ADGRB3: variants seen among roughly 807,000 people sequenced by gnomAD.
The protein encoded by ADGRB3 is brain-specific angiogenesis inhibitor 3.
ADGRB3 carries 37 observed loss-of-function variants against 193.4 expected under a neutral mutation model. The ratio of observed to expected loss-of-function variants is 0.19; its 90% CI spans 0.15 to 0.25. The LOEUF (loss-of-function observed/expected upper bound fraction) is 0.25, where lower values mean the gene tolerates loss of function less well. Ranked by LOEUF, ADGRB3 falls within the 10% of genes least tolerant of loss-of-function variation. The probability of loss-of-function intolerance (pLI) is 1.00; values close to 1 mark genes in which losing one functional copy is unlikely to be tolerated. For missense variants in ADGRB3, 1,637 were observed against 1,852.9 expected (o/e 0.88, Z 2.14); for synonymous variants, 690 against 644.2 (o/e 1.07, Z -1.08).
chr6:69,333,096 G>T lies in ADGRB3; in HGVS notation c.3188+88G>T, dbSNP rs570421993. 1.1e-5 allele frequency: 15 copies of T among 1,365,970 alleles called. No homozygotes were observed. In the South Asian group the frequency reaches 2.0e-4, roughly 18 times the overall value. 84.6% of individuals were successfully genotyped at this position (1,365,970 alleles called of 1,614,324 possible). A position where few individuals can be genotyped will look rare whatever the true frequency, so the allele number is the denominator to read the frequency against. ...ACCATCACTGACTGCGTTTGACTCTGCCTTGAATTTTGTTATTGATGTACT... is the reference window on the plus strand; with the variant it reads ...ACCATCACTGACTGCGTTTGACTCTTCCTTGAATTTTGTTATTGATGTACT... On this transcript the variant is annotated intron_variant, in intron 24 of 31. Coordinates refer to ENST00000370598, the MANE Select transcript of ADGRB3 (RefSeq NM_001704.3).
At chr6:68,821,317 T>A (rs1475071150) in intron 3 of ADGRB3, among the ~76,000 whole-genome samples, 1 of 152,018 alleles carries the variant, frequency 6.6e-6, no homozygotes, top group Non-Finnish European at 1.5e-5. Flanking sequence ...TCAGGGATTT[T>A]ACATAAGCGT....
intron 29 of ADGRB3, among the ~76,000 whole-genome samples, chr6:69,363,807 A>G (rs767402665): frequency 2.6e-5 from 4 of 152,172 alleles, no homozygotes; most frequent in South Asian, 2.1e-4. Context: ...CTCGGGCAGC[A>G]TGATGCATTG....
At chr6:68,692,137 T>A (rs1269264465) in intron 3 of ADGRB3, among the ~76,000 whole-genome samples, 1 of 151,860 alleles carries the variant, frequency 6.6e-6, no homozygotes, top group African/African-American at 2.4e-5. Context: ...TTTTAATAAT[T>A]ATTTATAAAA....
At position 68,686,339 on chromosome 6, in the gene ADGRB3, A is replaced by G. The variant is rs373867290; in HGVS notation, c.757+46907A>G. 3.9e-5 allele frequency among the ~76,000 whole-genome samples: 6 copies of G among 152,218 alleles called. No individual in the cohort carries two copies. The South Asian group carries it at 6.2e-4, about 16-fold the overall frequency. ...AAGTCAATGACAAAATGCCTTGACC[A>G]TCCTTAAAAACTGTTGCCATGACCT... On this transcript the variant is annotated intron_variant, in intron 3 of 31. Transcript: ENST00000370598.
chr6:68,959,925 G>A (rs1267305401), intron 8 of ADGRB3, among the ~76,000 whole-genome samples: 1 of 152,024 alleles, frequency 6.6e-6, no homozygotes, highest in African/African-American at 2.4e-5. Flanking sequence ...ATGGTAGGAT[G>A]GTAATAGCTC....
chr6:69,057,540 A>G lies in ADGRB3; in HGVS notation c.2334-5394A>G, dbSNP rs1771579882. ...TGTTTTGTTTTGTTTTGTTTGTTTT[A>G]CCATAAAGTGTGATATTAGATGTGG... On this transcript the variant is annotated intron_variant, in intron 15 of 31. Coordinates refer to ENST00000370598, the MANE Select transcript of ADGRB3 (RefSeq NM_001704.3). 2.1e-5 allele frequency among the ~76,000 whole-genome samples: 3 copies of G among 139,622 alleles called. No individual in the cohort carries two copies. The Admixed American group carries it at 2.3e-4, about 10-fold the overall frequency. 91.6% of individuals were successfully genotyped at this position (139,622 alleles called of 152,430 possible). A position where few individuals can be genotyped will look rare whatever the true frequency, so the allele number is the denominator to read the frequency against.
intron 3 of ADGRB3, among the ~76,000 whole-genome samples, chr6:68,769,942 T>C (rs1046057265): frequency 6.6e-6 from 1 of 152,154 alleles, no homozygotes; most frequent in African/African-American, 2.4e-5. Flanking sequence ...GACTTCCTGT[T>C]GAAATTAACT....
At chr6:69,321,981 G>A (rs1471980572) in intron 20 of ADGRB3, among the ~76,000 whole-genome samples, 2 of 151,752 alleles carry the variant, frequency 1.3e-5, no homozygotes, top group Admixed American at 1.3e-4. Context: ...GTACCAATTA[G>A]TTATTTTTCC....
At chr6:68,905,989 G>A (rs1392816212) in intron 3 of ADGRB3, among the ~76,000 whole-genome samples, 1 of 151,768 alleles carries the variant, frequency 6.6e-6, no homozygotes. Flanking sequence ...TAGAATTACT[G>A]TATAATCCTT....
chr6:69,100,944 A>G (rs1562159623), intron 17 of ADGRB3, among the ~76,000 whole-genome samples: 3 of 3,080 alleles, frequency 9.7e-4, no homozygotes, highest in African/African-American at 4.2e-3. Context: ...GAGGGAAGGA[A>G]GGAAAGGAGG....
At chr6:68,697,146 GA>G (rs1362810480) in intron 3 of ADGRB3, among the ~76,000 whole-genome samples, 2 of 151,912 alleles carry the variant, frequency 1.3e-5, no homozygotes, top group African/African-American at 4.8e-5. Context: ...TTAATGTCTA[GA>G]AATAAGTTTT....
At chr6:68,963,901 T>C (rs2150259908) in intron 8 of ADGRB3, among the ~76,000 whole-genome samples, 1 of 152,306 alleles carries the variant, frequency 6.6e-6, no homozygotes, top group South Asian at 2.1e-4. Context: ...GAACTATCTG[T>C]TCTCAGCCTT....
At chr6:69,218,233 A>AACTCC (rs2127246716) in intron 17 of ADGRB3, among the ~76,000 whole-genome samples, 1 of 152,264 alleles carries the variant, frequency 6.6e-6, no homozygotes, top group Admixed American at 6.5e-5. Context: ...GTCAGGACTG[A>AACTCC]TTCTGGTACC....
intron 17 of ADGRB3, among the ~76,000 whole-genome samples, chr6:69,115,461 G>A (rs980593016): frequency 6.6e-6 from 1 of 152,180 alleles, no homozygotes; most frequent in African/African-American, 2.4e-5. Context: ...TCGGGGGTTA[G>A]GGGAGGGATA....
intron 20 of ADGRB3, among the ~76,000 whole-genome samples, chr6:69,323,041 A>G (rs541348024): frequency 2.6e-5 from 4 of 152,154 alleles, no homozygotes; most frequent in Admixed American, 2.6e-4. Context: ...GAAGTAATGA[A>G]CACAATATAC....
chr6:68,873,553 A>G (rs1314785785), intron 3 of ADGRB3, among the ~76,000 whole-genome samples: 1 of 152,194 alleles, frequency 6.6e-6, no homozygotes, highest in Non-Finnish European at 1.5e-5. Context: ...AAAATTAAAA[A>G]TGGTGAGTAA....
chr6:68,772,918 T>C (rs867946596), intron 3 of ADGRB3, among the ~76,000 whole-genome samples: 1 of 53,762 alleles, frequency 1.9e-5, no homozygotes, highest in African/African-American at 1.2e-4. Context: ...TATATATATA[T>C]ATATATATAT....
intron 17 of ADGRB3, among the ~76,000 whole-genome samples, chr6:69,125,858 T>G (rs1773836563): frequency 6.6e-6 from 1 of 152,210 alleles, no homozygotes; most frequent in South Asian, 2.1e-4. Flanking sequence ...TTTCAGCCAT[T>G]TCCATCCATA....
chr6:68,862,129 G>C (rs1009332419), intron 3 of ADGRB3, among the ~76,000 whole-genome samples: 2 of 19,536 alleles, frequency 1.0e-4, no homozygotes, highest in African/African-American at 6.6e-4. Context: ...AGAGGAGGAG[G>C]GACCCCCCCC....
Sources: gnomAD v4.1 joint callset for allele counts (sites outside exome capture counted in the v4.1 genomes callset) on GRCh38, gnomAD v4.1.1 for gene constraint, MANE v1.5 for transcripts, NCBI Gene and HGNC (gene_info 2026-07-23, HGNC 2026-07-21) for gene names.